Variants in RPS6KC1 observed in about 807,000 individuals in gnomAD.
RPS6KC1 encodes the protein inactive ribosomal protein S6 kinase delta-1.
Under a neutral mutation model 103.8 loss-of-function variants are expected in RPS6KC1, and 54 were observed. The ratio of observed to expected loss-of-function variants is 0.52; its 90% CI spans 0.42 to 0.65. The LOEUF (loss-of-function observed/expected upper bound fraction) is 0.65, where lower values mean the gene tolerates loss of function less well. RPS6KC1 is among the 30% of genes least tolerant of loss of function. RPS6KC1 has a pLI of 0.00. For missense variants in RPS6KC1, 1,151 were observed against 1,253.8 expected (o/e 0.92, Z 1.24); for synonymous variants, 439 against 438.7 (o/e 1.00, Z -0.01).
intron 1 of RPS6KC1, among the ~76,000 whole-genome samples, chr1:213,051,865 A>G (rs2076977375): frequency 6.6e-6 from 1 of 152,164 alleles, no homozygotes; most frequent in South Asian, 2.1e-4. Flanking sequence ...ATGCAGATTA[A>G]AAAGTGTTAA....
the RPS6KC1 span, among the ~76,000 whole-genome samples, chr1:213,728,948 G>GTTTTTTT: frequency 1.1e-5 from 1 of 91,298 alleles, no homozygotes; most frequent in East Asian, 3.3e-4. Context: ...TTTTTTTTTT[G>GTTTTTTT]TTTTTTTTTT....
chr1:213,092,564 C>CA (rs2081069686), intron 3 of RPS6KC1, among the ~76,000 whole-genome samples: 1 of 151,644 alleles, frequency 6.6e-6, no homozygotes, highest in South Asian at 2.1e-4. Flanking sequence ...CCCAGCTACT[C>CA]AGGGGGCTGA....
At chr1:213,289,253 CAA>C in the RPS6KC1 span, among the ~76,000 whole-genome samples, 3,345 of 76,844 alleles carry the variant, frequency 0.044, 24 homozygotes, top group Middle Eastern at 0.11. Flanking sequence ...GTTGGATGCT[CAA>C]AAAAAAAAAA....
the RPS6KC1 span, among the ~76,000 whole-genome samples, chr1:213,619,786 G>A: frequency 9.9e-5 from 15 of 152,238 alleles, no homozygotes; most frequent in African/African-American, 3.6e-4. Context: ...AACCATATAT[G>A]CAATTGACAT....
chr1:213,193,038 A>G (rs1258927514), intron 8 of RPS6KC1, among the ~76,000 whole-genome samples: 5 of 146,918 alleles, frequency 3.4e-5, no homozygotes, highest in Non-Finnish European at 1.5e-5. Context: ...GTTTTATTCC[A>G]TTGTGGTCAG....
chr1:213,814,300 T>C, the RPS6KC1 span, among the ~76,000 whole-genome samples: 1 of 152,242 alleles, frequency 6.6e-6, no homozygotes, highest in Non-Finnish European at 1.5e-5. Context: ...GAAGCCTAAA[T>C]GACCAACGGG....
the RPS6KC1 span, among the ~76,000 whole-genome samples, chr1:213,718,840 T>C: frequency 1.2e-4 from 18 of 152,334 alleles, no homozygotes; most frequent in East Asian, 2.9e-3. Flanking sequence ...CCTATAGTTC[T>C]GGGGTGGGAC....
chr1:213,520,066 G>A, the RPS6KC1 span, among the ~76,000 whole-genome samples: 1 of 152,142 alleles, frequency 6.6e-6, no homozygotes, highest in Non-Finnish European at 1.5e-5. Context: ...ACCAATGGTG[G>A]TTCTTATTAT....
At chr1:213,334,464 T>C in the RPS6KC1 span, among the ~76,000 whole-genome samples, 2 of 152,176 alleles carry the variant, frequency 1.3e-5, no homozygotes, top group Non-Finnish European at 2.9e-5. Flanking sequence ...CCAAATGAAA[T>C]GTATCAGCAA....
At chr1:213,813,128 G>A in the RPS6KC1 span, among the ~76,000 whole-genome samples, 1 of 151,996 alleles carries the variant, frequency 6.6e-6, no homozygotes, top group African/African-American at 2.4e-5. Flanking sequence ...GCACGCAACT[G>A]TAGTCCCAGC....
At chr1:213,739,445 C>T in the RPS6KC1 span, among the ~76,000 whole-genome samples, 3 of 151,896 alleles carry the variant, frequency 2.0e-5, no homozygotes, top group Non-Finnish European at 4.4e-5. Flanking sequence ...TATCCCTAAC[C>T]CCTACGTTGT....
At chr1:213,058,557 A>T (rs889109416) in intron 1 of RPS6KC1, among the ~76,000 whole-genome samples, 1 of 151,892 alleles carries the variant, frequency 6.6e-6, no homozygotes, top group African/African-American at 2.4e-5. Flanking sequence ...TTCTTCGTTG[A>T]ATTGCCTTTA....
the RPS6KC1 span, among the ~76,000 whole-genome samples, chr1:213,845,077 ATTACATGGGTGAAGGCT>A: frequency 6.6e-6 from 1 of 152,038 alleles, no homozygotes; most frequent in Non-Finnish European, 1.5e-5. Context: ...AACAAGGAAA[ATTACATGGGTGAAGGCT>A]TAGCCTTCAT....
chr1:213,774,694 C>G, the RPS6KC1 span, among the ~76,000 whole-genome samples: 4 of 152,166 alleles, frequency 2.6e-5, no homozygotes, highest in Non-Finnish European at 5.9e-5. Flanking sequence ...AGCAGTGCTC[C>G]CTTCCCTTTT....
At chr1:213,438,792 C>CTTTTTTTTT in the RPS6KC1 span, among the ~76,000 whole-genome samples, 1 of 129,732 alleles carries the variant, frequency 7.7e-6, no homozygotes, top group Non-Finnish European at 1.7e-5. Context: ...ATCTTGGTTT[C>CTTTTTTTTT]TTTTTTTTTT....
At chr1:213,247,816 C>G (rs1479303805) in intron 12 of RPS6KC1, among the ~76,000 whole-genome samples, 1 of 151,942 alleles carries the variant, frequency 6.6e-6, no homozygotes, top group Non-Finnish European at 1.5e-5. Flanking sequence ...GATTTTCCCC[C>G]CAAGGGTAAA....
At chr1:213,111,499 T>A (rs550892647) in intron 4 of RPS6KC1, among the ~76,000 whole-genome samples, 1 of 152,320 alleles carries the variant, frequency 6.6e-6, no homozygotes, top group South Asian at 2.1e-4. Flanking sequence ...TCCTATTTAT[T>A]TTTTATAACA....
chr1:213,064,676 C>CTTTTT (rs34472724), intron 1 of RPS6KC1, among the ~76,000 whole-genome samples: 4 of 104,870 alleles, frequency 3.8e-5, no homozygotes, highest in African/African-American at 7.8e-5. Context: ...CCTTTGTGAA[C>CTTTTT]TTTTTTTTTT....
the RPS6KC1 span, among the ~76,000 whole-genome samples, chr1:213,511,178 T>A: frequency 8.0e-6 from 1 of 124,652 alleles, no homozygotes; most frequent in South Asian, 2.2e-4. Context: ...TGTTGAGGAA[T>A]GTCTTTTTTT....
Sources: allele counts gnomAD v4.1 joint callset (sites outside exome capture counted in the v4.1 genomes callset), GRCh38; gene constraint gnomAD v4.1.1; transcripts MANE v1.5; gene names NCBI Gene and HGNC (gene_info 2026-07-23, HGNC 2026-07-21).